The following PLEKHG1 variants were observed in gnomAD, a reference collection of about 807,000 sequenced individuals.
PLEKHG1 encodes pleckstrin homology and RhoGEF domain containing G1.
In PLEKHG1, 44 loss-of-function variants were observed where a neutral mutation model predicts 100.8. The observed-to-expected ratio is 0.44, with a 90% confidence interval of 0.34 to 0.56. The LOEUF (loss-of-function observed/expected upper bound fraction) is 0.56, where lower values mean the gene tolerates loss of function less well. Among genes scored for constraint, PLEKHG1 ranks in the 20% least tolerant of loss-of-function variants. The pLI, the probability that PLEKHG1 is intolerant of heterozygous loss-of-function variation, is 0.01. For missense variants in PLEKHG1, 1,545 were observed against 1,720.9 expected, an observed-to-expected ratio of 0.90 and a Z score of 1.81; for synonymous variants, 640 against 662.5, an observed-to-expected ratio of 0.97 and a Z score of 0.52.
At chr6:150,772,741 T>C (rs1423555543) in intron 3 of PLEKHG1, among the ~76,000 whole-genome samples, 5 of 152,356 alleles carry the variant, frequency 3.3e-5, no homozygotes, top group East Asian at 1.9e-4. Flanking sequence ...CTGCTGTGTA[T>C]ATTATCCATT....
chr6:150,659,701 CT>C (rs1779109477), intron 3 of PLEKHG1, among the ~76,000 whole-genome samples: 1 of 152,170 alleles, frequency 6.6e-6, no homozygotes, highest in Non-Finnish European at 1.5e-5. Flanking sequence ...TTACCTGCCC[CT>C]GCCTCCAAGT....
At chr6:150,728,627 G>C (rs917022187) in intron 1 of PLEKHG1, among the ~76,000 whole-genome samples, 1 of 152,002 alleles carries the variant, frequency 6.6e-6, no homozygotes, top group Non-Finnish European at 1.5e-5. Flanking sequence ...GCCGGGCTCA[G>C]TGGCTCACAC....
At chr6:150,811,337 A>G (rs1469674264) in intron 10 of PLEKHG1, among the ~76,000 whole-genome samples, 3 of 151,640 alleles carry the variant, frequency 2.0e-5, no homozygotes, top group Admixed American at 6.6e-5. Context: ...TGGTGCAAAC[A>G]TGGCTCACTG....
intron 1 of PLEKHG1, among the ~76,000 whole-genome samples, chr6:150,633,764 G>A (rs1777862511): frequency 6.6e-6 from 1 of 152,174 alleles, no homozygotes; most frequent in African/African-American, 2.4e-5. Flanking sequence ...AGGCTCTAAA[G>A]GGGAAGCTTG....
rs947593283 is a variant in PLEKHG1, at chr6:150,600,814, T to G, written c.-204+797T>G. The G allele has an allele frequency of 6.6e-6, 1 of 152,180 alleles. No individual in the cohort carries two copies. The highest frequency in any genetic ancestry group is 6.5e-5 in the Admixed American group (1 of 15,284). 9.4% of individuals were successfully genotyped at this position (152,180 alleles called of 1,614,324 possible). ...AACTGGGAGAACGGCGCTCGGCTGG[T>G]CAATTCATTCCGCTCCTCGGAAACA... On this transcript the variant is annotated intron_variant, in intron 1 of 3. Transcript: ENST00000367326. This position sits in a 1 kb window ranked among gnomAD's most constrained non-coding sequence, Gnocchi z 6.2.
intron 2 of PLEKHG1, among the ~76,000 whole-genome samples, chr6:150,750,781 A>AC (rs1783470654): frequency 1.2e-5 from 1 of 86,206 alleles, no homozygotes; most frequent in South Asian, 3.3e-4. Context: ...ACTCCATCTC[A>AC]AAAAAAAAAA....
intron 2 of PLEKHG1, among the ~76,000 whole-genome samples, chr6:150,737,961 A>C (rs930968292): frequency 2.7e-5 from 4 of 145,682 alleles, no homozygotes; most frequent in Non-Finnish European, 6.0e-5. Flanking sequence ...ACACCACCAC[A>C]CCTTGCTAAG....
chr6:150,830,927 G>A (rs1776886148), exon 15 of PLEKHG1: 1 of 1,614,132 alleles, frequency 6.2e-7, no homozygotes, highest in Non-Finnish European at 8.5e-7. Flanking sequence ...TCACAGGATT[G>A]TCAGGCGGGC....
At chr6:150,795,162 G>A (rs1437266140) in intron 4 of PLEKHG1, among the ~76,000 whole-genome samples, 1 of 152,154 alleles carries the variant, frequency 6.6e-6, no homozygotes, top group Admixed American at 6.5e-5. Context: ...GCTGAGGCAG[G>A]CGGATAACTT....
exon 15 of PLEKHG1, chr6:150,830,925 T>C: frequency 6.2e-7 from 1 of 1,613,742 alleles, no homozygotes; most frequent in Non-Finnish European, 8.5e-7. Context: ...GGTCACAGGA[T>C]TGTCAGGCGG....
intron 1 of PLEKHG1, among the ~76,000 whole-genome samples, chr6:150,727,198 G>A (rs181000500): frequency 2.0e-5 from 3 of 152,238 alleles, no homozygotes; most frequent in Admixed American, 2.0e-4. Flanking sequence ...GTCTAGAATA[G>A]CAATGAGCAG....
chr6:150,667,372 T>A (rs779823812), intron 3 of PLEKHG1, among the ~76,000 whole-genome samples: 2 of 152,236 alleles, frequency 1.3e-5, no homozygotes, highest in Non-Finnish European at 2.9e-5. Context: ...CTGAAAAGGC[T>A]GTTTCTATTA....
exon 15 of PLEKHG1, chr6:150,830,734 CTTG>C (rs1212914918): frequency 6.2e-7 from 1 of 1,614,216 alleles, no homozygotes; most frequent in South Asian, 1.1e-5. Context: ...TCAGGCAAGC[CTTG>C]TTTCCCAGCC....
At chr6:150,843,102 C>T (rs571690218) in exon 16 of PLEKHG1, 67 of 152,332 alleles carry the variant, frequency 4.4e-4, no homozygotes, top group African/African-American at 1.6e-3. Context: ...AGCTGTTTCG[C>T]ATTTTCGCTT....
At chr6:150,760,001 A>C (rs573289718) in intron 2 of PLEKHG1, among the ~76,000 whole-genome samples, 1 of 152,310 alleles carries the variant, frequency 6.6e-6, no homozygotes, top group Non-Finnish European at 1.5e-5. Flanking sequence ...AAACAAAAAT[A>C]AAGAAAAAAG....
chr6:150,823,660 C>T (rs1272630359), exon 14 of PLEKHG1: 3 of 1,609,322 alleles, frequency 1.9e-6, no homozygotes, highest in Non-Finnish European at 2.6e-6. Flanking sequence ...TCAGAAACAG[C>T]ACAAGACATC....
At chr6:150,761,569 C>G (rs1784164350) in intron 2 of PLEKHG1, among the ~76,000 whole-genome samples, 1 of 152,082 alleles carries the variant, frequency 6.6e-6, no homozygotes, top group Non-Finnish European at 1.5e-5. Context: ...TGCTGGGATG[C>G]AGGGGTGAGC....
chr6:150,802,558 G>T (rs1182709079), intron 6 of PLEKHG1, among the ~76,000 whole-genome samples: 1 of 150,502 alleles, frequency 6.6e-6, no homozygotes. Context: ...TGGCAATGAA[G>T]AAAAAAAACA....
intron 9 of PLEKHG1, 55 bp downstream of exon 10, chr6:150,809,531 T>A: frequency 6.6e-7 from 1 of 1,509,466 alleles, no homozygotes; most frequent in Admixed American, 1.7e-5. Flanking sequence ...TGATGAGTGC[T>A]GTGTACCATG....
Sources: allele counts gnomAD v4.1 joint callset (sites outside exome capture counted in the v4.1 genomes callset), GRCh38; gene constraint gnomAD v4.1.1; non-coding constraint Gnocchi (gnomAD v3.1); transcripts MANE v1.5; gene names NCBI Gene and HGNC (gene_info 2026-07-23, HGNC 2026-07-21).